Variants in PLEKHM3 observed in about 807,000 individuals in gnomAD.
PLEKHM3 encodes pleckstrin homology domain-containing family M member 3.
PLEKHM3 carries 45 observed loss-of-function variants against 81.8 expected under a neutral mutation model. That is an observed-to-expected ratio of 0.55 (90% CI 0.43 to 0.71). PLEKHM3 has a LOEUF of 0.71. Ranked by LOEUF, PLEKHM3 falls within the 30% of genes least tolerant of loss-of-function variation. The probability of loss-of-function intolerance (pLI) is 0.00; values close to 1 mark genes in which losing one functional copy is unlikely to be tolerated. For missense variants in PLEKHM3, 788 were observed against 924.3 expected (o/e 0.85, Z 1.91); for synonymous variants, 352 against 356.4 (o/e 0.99, Z 0.14).
At chr2:208,020,993 G>C (rs1693113442) in intron 1 of PLEKHM3, among the ~76,000 whole-genome samples, 1 of 152,172 alleles carries the variant, frequency 6.6e-6, no homozygotes, top group Admixed American at 6.5e-5. Context: ...TTAAAGTCAG[G>C]CCTTTTGAAA....
At chr2:207,862,903 A>G (rs1373095062) in intron 6 of PLEKHM3, among the ~76,000 whole-genome samples, 1 of 152,196 alleles carries the variant, frequency 6.6e-6, no homozygotes, top group Non-Finnish European at 1.5e-5. Flanking sequence ...ATTGCCAGAC[A>G]GGGTACCCTC....
chr2:207,898,685 G>A lies in PLEKHM3; in HGVS notation c.1950+9829C>T, dbSNP rs1574384296. The stretch of plus-strand genomic sequence containing the variant: ...AGGTGGGAGGATTGCTTGAGTCCAG[G>A]AATTCAAGGCCAGCCTGAGCAACAT... On this transcript the variant is annotated intron_variant, in intron 6 of 7. Transcript: ENST00000427836. Among the ~76,000 whole-genome samples, 4 of 152,232 alleles carry A rather than the reference G, an allele frequency of 2.6e-5. No homozygotes were observed. The South Asian group carries it at 6.2e-4, about 24-fold the overall frequency.
intron 5 of PLEKHM3, among the ~76,000 whole-genome samples, chr2:207,919,104 C>T (rs564651682): frequency 1.9e-4 from 29 of 151,032 alleles, no homozygotes; most frequent in Non-Finnish European, 3.5e-4. Context: ...AATGGAGTTA[C>T]GAAGCAAGCT....
At chr2:207,974,902 G>T (rs1691254492) in intron 3 of PLEKHM3, among the ~76,000 whole-genome samples, 1 of 150,782 alleles carries the variant, frequency 6.6e-6, no homozygotes, top group Non-Finnish European at 1.5e-5. Context: ...TGCAATCTCA[G>T]CTCACTGAAA....
intron 3 of PLEKHM3, among the ~76,000 whole-genome samples, chr2:207,950,911 T>C (rs1211454009): frequency 6.6e-6 from 1 of 152,184 alleles, no homozygotes; most frequent in Non-Finnish European, 1.5e-5. Context: ...ATGAAAACGT[T>C]TAACCCCCAA....
intron 6 of PLEKHM3, chr2:207,869,917 A>G (rs917658738): frequency 3.3e-5 from 5 of 152,202 alleles, no homozygotes; most frequent in Non-Finnish European, 5.9e-5. Context: ...CAGCATTGGA[A>G]TTTGAGGCCT....
Position 208,024,199 on chromosome 2 carries a change from C to A in PLEKHM3, c.-319+1190G>T, listed in dbSNP as rs201437589. ...AAATAAAATAACAATAATAAAAACC[C>A]TAATGAGGTCAATACTATTATTATT... On this transcript the variant is annotated intron_variant, in intron 1 of 7. Coordinates refer to ENST00000427836, the MANE Select transcript of PLEKHM3 (RefSeq NM_001080475.3). 6.7e-5 allele frequency among the ~76,000 whole-genome samples: 9 copies of A among 133,746 alleles called. No individual in the cohort carries two copies. In the East Asian group the frequency reaches 2.0e-3, roughly 29 times the overall value. 87.7% of individuals were successfully genotyped at this position (133,746 alleles called of 152,430 possible). A position where few individuals can be genotyped will look rare whatever the true frequency, so the allele number is the denominator to read the frequency against.
intron 6 of PLEKHM3, among the ~76,000 whole-genome samples, chr2:207,871,432 A>G (rs1314786525): frequency 1.3e-5 from 2 of 152,192 alleles, no homozygotes; most frequent in Non-Finnish European, 2.9e-5. Context: ...AAACTATGTG[A>G]TAGTTTAATC....
intron 7 of PLEKHM3, among the ~76,000 whole-genome samples, chr2:207,860,284 C>T (rs927453784): frequency 6.6e-6 from 1 of 151,360 alleles, no homozygotes; most frequent in African/African-American, 2.4e-5. Context: ...TACAAATAGT[C>T]TTTAGGTTTT....
chr2:207,864,489 A>G (rs2092485117), intron 6 of PLEKHM3, among the ~76,000 whole-genome samples: 1 of 152,222 alleles, frequency 6.6e-6, no homozygotes, highest in Non-Finnish European at 1.5e-5. Context: ...AGGCATTTAA[A>G]GAGAGGCACT....
chr2:207,922,227 G>C (rs1689206846), intron 5 of PLEKHM3, among the ~76,000 whole-genome samples: 1 of 152,090 alleles, frequency 6.6e-6, no homozygotes, highest in Admixed American at 6.5e-5. Flanking sequence ...GCATTTCCCT[G>C]ATGTTTAGTG....
At chr2:207,844,563 C>T (rs1052108430) in intron 7 of PLEKHM3, among the ~76,000 whole-genome samples, 3 of 152,064 alleles carry the variant, frequency 2.0e-5, no homozygotes, top group African/African-American at 7.2e-5. Context: ...GCCTAGGCCT[C>T]CCAAAGTGCT....
chr2:207,925,529 G>A (rs1689364904), intron 5 of PLEKHM3, among the ~76,000 whole-genome samples: 1 of 152,236 alleles, frequency 6.6e-6, no homozygotes, highest in South Asian at 2.1e-4. Flanking sequence ...CTTATGAGGT[G>A]GTATTGTCTC....
intron 6 of PLEKHM3, among the ~76,000 whole-genome samples, chr2:207,907,513 G>GA (rs547268062): frequency 8.2e-5 from 12 of 146,158 alleles, no homozygotes; most frequent in East Asian, 4.0e-4. Context: ...CAAACGAAAG[G>GA]AAAAAAAAAA....
chr2:208,008,380 T>C (rs989321673), intron 1 of PLEKHM3, among the ~76,000 whole-genome samples: 10 of 150,184 alleles, frequency 6.7e-5, no homozygotes, highest in African/African-American at 2.5e-4. Context: ...TCAGTGAAAA[T>C]AAATAGGTGT....
intron 2 of PLEKHM3, among the ~76,000 whole-genome samples, chr2:207,982,887 T>C (rs868247036): frequency 5.9e-5 from 9 of 151,560 alleles, no homozygotes; most frequent in Middle Eastern, 3.4e-3. Context: ...CTGATTTTCT[T>C]AATAACGTTT....
chr2:207,993,723 A>G (rs945292672), intron 2 of PLEKHM3, among the ~76,000 whole-genome samples: 1 of 152,136 alleles, frequency 6.6e-6, no homozygotes, highest in African/African-American at 2.4e-5. Flanking sequence ...CCAGTTGACC[A>G]CTGCCCTTGC....
At chr2:207,964,072 C>T (rs151108070) in intron 3 of PLEKHM3, among the ~76,000 whole-genome samples, 3 of 152,160 alleles carry the variant, frequency 2.0e-5, no homozygotes, top group South Asian at 2.1e-4. Context: ...ATTAGCCAGG[C>T]GTGGTGGCAC....
At chr2:207,837,503 G>A (rs1218611676) in intron 7 of PLEKHM3, among the ~76,000 whole-genome samples, 1 of 152,000 alleles carries the variant, frequency 6.6e-6, no homozygotes, top group Non-Finnish European at 1.5e-5. Context: ...GGGAGCCTGA[G>A]GCAGGAGAAT....
Sources: gnomAD v4.1 joint callset for allele counts (sites outside exome capture counted in the v4.1 genomes callset) on GRCh38, gnomAD v4.1.1 for gene constraint, MANE v1.5 for transcripts, NCBI Gene and HGNC (gene_info 2026-07-23, HGNC 2026-07-21) for gene names.